PDGFRL: variants seen among roughly 807,000 people sequenced by gnomAD.
PDGFRL encodes the protein platelet-derived growth factor receptor-like protein.
A neutral mutation model predicts 37.2 loss-of-function variants in PDGFRL; 46 were observed. The observed-to-expected ratio is 1.24, with a 90% CI of 0.98 to 1.58. The LOEUF (loss-of-function observed/expected upper bound fraction) is 1.58, where lower values mean the gene tolerates loss of function less well. Ranked by LOEUF, PDGFRL falls within the 40% of genes most tolerant of loss-of-function variation. The pLI is 0.00. For synonymous variants in PDGFRL, 251 were observed against 184.3 expected (o/e 1.36, Z -2.93); for missense variants, 692 against 467.6 (o/e 1.48, Z -4.43).
Position 17,598,213 on chromosome 8 carries a change from G to C in PDGFRL, c.353+8448G>C, listed in dbSNP as rs563159308. Among the ~76,000 whole-genome samples, 13 of 152,348 alleles carry C rather than the reference G, an allele frequency of 8.5e-5. No homozygotes were observed. The South Asian group carries it at 2.5e-3, about 29-fold the overall frequency. On this transcript the variant is annotated intron_variant, in intron 2 of 5. Transcript: ENST00000251630. ...CAGAGGCTGAGGCACAGCTAGATTTGAATCTTCCGTTTATTACTAACCAGC... is the reference window on the plus strand; with the variant it reads ...CAGAGGCTGAGGCACAGCTAGATTTCAATCTTCCGTTTATTACTAACCAGC...
intron 5 of PDGFRL, among the ~76,000 whole-genome samples, chr8:17,637,421 A>G (rs1371835110): frequency 3.9e-5 from 6 of 152,194 alleles, no homozygotes. Context: ...TATGAAACCC[A>G]TTTGATCATG....
chr8:17,590,256 ATT>A (rs1803908710), intron 2 of PDGFRL, among the ~76,000 whole-genome samples: 2 of 147,028 alleles, frequency 1.4e-5, no homozygotes, highest in Admixed American at 6.9e-5. Context: ...AAAAAAAAAA[ATT>A]GCAAATCCTA....
chr8:17,641,896 T>TCACCCCCCCCCCCCCC (rs1554556558), intron 5 of PDGFRL, among the ~76,000 whole-genome samples: 1 of 103,888 alleles, frequency 9.6e-6, no homozygotes, highest in Non-Finnish European at 1.8e-5. Flanking sequence ...TCAATAGAGG[T>TCACCCCCCCCCCCCCC]CCCCGCCACA....
chr8:17,586,415 A>G (rs1216010760), intron 1 of PDGFRL, among the ~76,000 whole-genome samples: 1 of 152,192 alleles, frequency 6.6e-6, no homozygotes, highest in Non-Finnish European at 1.5e-5. Context: ...CTCATGGTGC[A>G]TGAGATTTGT....
At chr8:17,627,229 A>G (rs1450560383) in intron 3 of PDGFRL, among the ~76,000 whole-genome samples, 1 of 152,254 alleles carries the variant, frequency 6.6e-6, no homozygotes, top group Non-Finnish European at 1.5e-5. Flanking sequence ...ACTTACAATC[A>G]TAAAATCACA....
chr8:17,588,459 T>C (rs866882997), intron 1 of PDGFRL, among the ~76,000 whole-genome samples: 3 of 151,790 alleles, frequency 2.0e-5, no homozygotes, highest in African/African-American at 7.3e-5. Context: ...GGAGGGTTGC[T>C]TGAGGCCAGG....
At chr8:17,580,173 T>C (rs1803675849) in intron 1 of PDGFRL, among the ~76,000 whole-genome samples, 1 of 152,182 alleles carries the variant, frequency 6.6e-6, no homozygotes, top group African/African-American at 2.4e-5. Flanking sequence ...TTGCATCTGG[T>C]GAAAGGGGTT....
At chr8:17,616,749 C>T (rs556577327) in intron 2 of PDGFRL, among the ~76,000 whole-genome samples, 1 of 152,210 alleles carries the variant, frequency 6.6e-6, no homozygotes, top group South Asian at 2.1e-4. Context: ...GCAGGGACTT[C>T]TCTAGACATC....
chr8:17,642,165 A>C (rs1805133494), intron 5 of PDGFRL, among the ~76,000 whole-genome samples: 1 of 152,016 alleles, frequency 6.6e-6, no homozygotes, highest in Non-Finnish European at 1.5e-5. Context: ...AGCAATTGGG[A>C]GCTCTTAGTC....
intron 2 of PDGFRL, among the ~76,000 whole-genome samples, chr8:17,618,851 G>C (rs747287305): frequency 6.6e-6 from 1 of 152,154 alleles, no homozygotes; most frequent in African/African-American, 2.4e-5. Flanking sequence ...AGGGGTATCC[G>C]AGGGGTAGAG....
chr8:17,593,239 G>C (rs879281556), intron 2 of PDGFRL, among the ~76,000 whole-genome samples: 23 of 151,784 alleles, frequency 1.5e-4, no homozygotes, highest in African/African-American at 2.2e-4. Context: ...ATCTGGAAAG[G>C]CTTACCACTA....
At chr8:17,593,290 A>G (rs752500870) in intron 2 of PDGFRL, among the ~76,000 whole-genome samples, 23 of 152,208 alleles carry the variant, frequency 1.5e-4, no homozygotes, top group Non-Finnish European at 2.5e-4. Context: ...ACATAGGTTT[A>G]TCCTCTTAAT....
chr8:17,594,113 C>A (rs2150816155), intron 2 of PDGFRL, among the ~76,000 whole-genome samples: 1 of 146,580 alleles, frequency 6.8e-6, no homozygotes, highest in Non-Finnish European at 1.6e-5. Context: ...ATGGAACATG[C>A]AGCGTATTTG....
chr8:17,635,609 A>G (rs1804956206), intron 5 of PDGFRL, among the ~76,000 whole-genome samples: 1 of 152,094 alleles, frequency 6.6e-6, no homozygotes, highest in Non-Finnish European at 1.5e-5. Context: ...TCTTTTTCAT[A>G]TTATGACTTC....
intron 3 of PDGFRL, among the ~76,000 whole-genome samples, chr8:17,627,844 A>T (rs1032911292): frequency 6.6e-6 from 1 of 152,046 alleles, no homozygotes; most frequent in Non-Finnish European, 1.5e-5. Flanking sequence ...ATAGTATAAG[A>T]AGTAAGGCTG....
At chr8:17,627,989 C>CTTTTTTTTTTTTTTTTTTTTT (rs35707610) in intron 3 of PDGFRL, among the ~76,000 whole-genome samples, 12 of 89,250 alleles carry the variant, frequency 1.3e-4, no homozygotes, top group Non-Finnish European at 2.0e-4. Flanking sequence ...TTCTTTCTTT[C>CTTTTTTTTTTTTTTTTTTTTT]TTTTTTTTTT....
intron 2 of PDGFRL, among the ~76,000 whole-genome samples, chr8:17,612,356 CCTTCTCCTCT>C (rs1188662932): frequency 1.3e-5 from 2 of 151,778 alleles, no homozygotes; most frequent in Admixed American, 6.6e-5. Context: ...CTTCCTTCTT[CCTTCTCCTCT>C]CTTCTCCTCT....
At chr8:17,583,958 T>C (rs1203808971) in intron 1 of PDGFRL, among the ~76,000 whole-genome samples, 1 of 152,174 alleles carries the variant, frequency 6.6e-6, no homozygotes, top group Admixed American at 6.5e-5. Flanking sequence ...GCATAAATGA[T>C]TCAGCCTCAG....
intron 1 of PDGFRL, among the ~76,000 whole-genome samples, chr8:17,586,575 A>G (rs968023354): frequency 3.3e-5 from 5 of 152,164 alleles, no homozygotes; most frequent in African/African-American, 1.2e-4. Flanking sequence ...TGGCATCTAT[A>G]CATTAAAGAG....
Sources: gnomAD v4.1 joint callset for allele counts (sites outside exome capture counted in the v4.1 genomes callset) on GRCh38, gnomAD v4.1.1 for gene constraint, MANE v1.5 for transcripts, NCBI Gene and HGNC (gene_info 2026-07-23, HGNC 2026-07-21) for gene names.